BAHD1: variants seen among roughly 807,000 people sequenced by gnomAD.
BAHD1 encodes the protein bromo adjacent homology domain containing 1.
A neutral mutation model predicts 63.1 loss-of-function variants in BAHD1; 20 were observed. The observed-to-expected ratio is 0.32, with a 90% CI of 0.22 to 0.46. The LOEUF is 0.46. BAHD1 is among the 20% of genes least tolerant of loss of function. The pLI is 1.00. For synonymous variants in BAHD1, 408 were observed against 426.8 expected (o/e 0.96, Z 0.54); for missense variants, 939 against 1,071.8 (o/e 0.88, Z 1.73).
At chr15:40,447,830 G>C (rs1893587227) in intron 1 of BAHD1, among the ~76,000 whole-genome samples, 1 of 152,136 alleles carries the variant, frequency 6.6e-6, no homozygotes. Context: ...GTAGATGCAT[G>C]GTTGGGGGTT....
chr15:40,464,386 C>T, intron 4 of BAHD1, 85 bp from the exon 5 acceptor site: 1 of 1,242,540 alleles, frequency 8.0e-7, no homozygotes, highest in Non-Finnish European at 1.2e-6. Flanking sequence ...TTGGATGAAC[C>T]TCCAGGGCAG....
intron 1 of BAHD1, among the ~76,000 whole-genome samples, chr15:40,449,005 G>A (rs1163681139): frequency 6.6e-6 from 1 of 151,776 alleles, no homozygotes; most frequent in Non-Finnish European, 1.5e-5. Flanking sequence ...GCTAATTTTT[G>A]TATTTTCTCC....
intron 3 of BAHD1, among the ~76,000 whole-genome samples, chr15:40,462,992 A>C (rs922076720): frequency 6.6e-6 from 1 of 152,116 alleles, no homozygotes; most frequent in East Asian, 1.9e-4. Flanking sequence ...AATTAAAAAC[A>C]AAAAGAATAT....
rs1171009075 is a variant in BAHD1 at position 40,459,452 on chromosome 15, C to T, written c.988C>T (p.Arg330Cys). The T allele has an allele frequency of 1.2e-5, 20 of 1,613,442 alleles. No homozygotes were observed. Among genetic ancestry groups the T allele is most frequent in the Non-Finnish European group, 1.6e-5 (19 of 1,179,994 alleles). The change falls in exon 2 of 7, where the codon CGC (arginine) becomes TGC (cysteine). Residue 330 changes from arginine to cysteine, a missense_variant. Physicochemically the swap from Arg to Cys is radical, Grantham distance 180. Around this residue, in one of 5 missense-constraint regions of BAHD1, gnomAD observed 797 missense variants for 813.3 expected, o/e 0.98. Coordinates refer to ENST00000416165, the MANE Select transcript of BAHD1 (RefSeq NM_014952.5). ...GQAALKPEPG[R>C]PGEESPAPKQ... ...GGCGGCTCTGAAGCCGGAGCCTGGG[C>T]GCCCAGGCGAGGAGTCACCTGCCCC...
Position 40,458,654 on chromosome 15 carries a change from C to G in BAHD1, c.190C>G (p.Pro64Ala), listed in dbSNP as rs774137662. 1.2e-6 allele frequency: 2 copies of G among 1,613,674 alleles called. No homozygotes were observed. Among genetic ancestry groups the G allele is most frequent in the Non-Finnish European group, 1.7e-6 (2 of 1,179,874 alleles). Residue 64 changes from proline to alanine, a missense_variant, in exon 2 of 7, where the codon CCT becomes GCT. Physicochemically the swap from Pro to Ala is conservative, Grantham distance 27. Transcript: ENST00000416165. This position sits in a 1 kb window ranked among gnomAD's most constrained non-coding sequence, Gnocchi z 4.7. ...NYPLRKRPLV[P>A]EKPKACKVLL... is the part of the protein sequence containing the mutation. ...CCCACTTCGTAAGCGCCCATTGGTT[C>G]CTGAGAAGCCCAAGGCCTGCAAAGT...
chr15:40,450,955 T>C (rs971213742), intron 1 of BAHD1, among the ~76,000 whole-genome samples: 1 of 151,956 alleles, frequency 6.6e-6, no homozygotes, highest in Non-Finnish European at 1.5e-5. Context: ...CTGGCCAACA[T>C]GGTGAAAACC....
At chr15:40,465,226 T>C in intron 5 of BAHD1, 109 bp from the exon 6 acceptor site, 1 of 915,188 alleles carries the variant, frequency 1.1e-6, no homozygotes, top group Non-Finnish European at 1.7e-6. Context: ...GGAAGCTTGC[T>C]GGAGTCATCT....
chr15:40,439,284 A>C (rs980574956), upstream of BAHD1, among the ~76,000 whole-genome samples: 18 of 152,160 alleles, frequency 1.2e-4, no homozygotes, highest in African/African-American at 4.3e-4. Context: ...CCCCTCCTTT[A>C]AGTGTGTCCC....
At chr15:40,448,341 G>C (rs1428119572) in intron 1 of BAHD1, among the ~76,000 whole-genome samples, 2 of 152,064 alleles carry the variant, frequency 1.3e-5, no homozygotes, top group Non-Finnish European at 2.9e-5. Flanking sequence ...CAGTTCCTCT[G>C]TGGTGGGAAA....
chr15:40,462,173 G>C lies in BAHD1; in HGVS notation c.1694G>C (p.Arg565Pro). ...CACACTGCAAGGAGCAAGGCTGCCCGCAGGCCTAGCCACCCCAAGCAGCCA... is the reference window on the plus strand; with the variant it reads ...CACACTGCAAGGAGCAAGGCTGCCCCCAGGCCTAGCCACCCCAAGCAGCCA... ...CRHTARSKAA[R>P]RPSHPKQPRV... The change falls in exon 3 of 7, where the codon CGC becomes CCC. Residue 565 changes from arginine (R) to proline (P), a missense_variant. Coordinates refer to ENST00000416165, the MANE Select transcript of BAHD1 (RefSeq NM_014952.5). 6.2e-7 allele frequency: 1 copy of C among 1,612,178 alleles called. No homozygotes were observed. Among genetic ancestry groups the C allele is most frequent in the Non-Finnish European group, 8.5e-7 (1 of 1,179,944 alleles).
rs774628328 is a variant in BAHD1 at position 40,459,798 on chromosome 15, G to A, written c.1334G>A (p.Gly445Glu). 6 of 1,613,564 alleles carry A rather than the reference G, an allele frequency of 3.7e-6. No individual in the cohort carries two copies. The highest frequency in any genetic ancestry group is 5.1e-6 in the Non-Finnish European group (6 of 1,179,992). ...CGCTACTGCTCTAGCGAGGACACTG[G>A]AGTGAATGGCTACAGCATCTGCGGA... Reference protein sequence around the residue: ...SSRYCSSEDTGVNGYSICGVL... With the variant: ...SSRYCSSEDTEVNGYSICGVL... The change falls in exon 2 of 7, where the codon GGA (glycine) becomes GAA (glutamate). Residue 445 changes from glycine (G) to glutamate (E), a missense_variant. Around this residue, in one of 5 missense-constraint regions of BAHD1, gnomAD observed 797 missense variants for 813.3 expected, o/e 0.98. Transcript: ENST00000416165.
Position 40,442,807 on chromosome 15 carries a change from C to T in BAHD1, c.-15+1539C>T, listed in dbSNP as rs181738044. On this transcript the variant is annotated intron_variant, in intron 1 of 6. Transcript: ENST00000416165. ...TTCCAGTCCTTTTACTTTGTGCCACCTGAGACTTTCCTCCCTACTCTCTTC... is the reference window on the plus strand; with the variant it reads ...TTCCAGTCCTTTTACTTTGTGCCACTTGAGACTTTCCTCCCTACTCTCTTC... Among the ~76,000 whole-genome samples the T allele has an allele frequency of 2.6e-5, 4 of 152,272 alleles. No individual in the cohort carries two copies. In the East Asian group the frequency reaches 7.7e-4, roughly 29 times the overall value.
At chr15:40,448,923 G>T (rs1595849973) in intron 1 of BAHD1, among the ~76,000 whole-genome samples, 1 of 147,558 alleles carries the variant, frequency 6.8e-6, no homozygotes, top group Non-Finnish European at 1.5e-5. Context: ...CGCAACCTCT[G>T]CCTTCCAGGT....
chr15:40,445,433 C>A (rs2141472129), intron 1 of BAHD1, among the ~76,000 whole-genome samples: 1 of 152,306 alleles, frequency 6.6e-6, no homozygotes, highest in East Asian at 1.9e-4. Flanking sequence ...TTTCATTCCT[C>A]CTCACCTCTC....
chr15:40,465,058 C>T (rs1230128190), intron 5 of BAHD1: 2 of 482,720 alleles, frequency 4.1e-6, no homozygotes, highest in Non-Finnish European at 7.5e-6. Flanking sequence ...AGAACATTTC[C>T]CCTCTCCTAC....
chr15:40,450,958 T>TAGCA (rs1893681901), intron 1 of BAHD1, among the ~76,000 whole-genome samples: 2 of 151,732 alleles, frequency 1.3e-5, no homozygotes, highest in South Asian at 4.2e-4. Flanking sequence ...GCCAACATGG[T>TAGCA]GAAAACCCGT....
chr15:40,459,353 C>G lies in BAHD1; in HGVS notation c.889C>G (p.His297Asp). 1 of 1,613,106 alleles carries G rather than the reference C, an allele frequency of 6.2e-7. No homozygotes were observed. Among genetic ancestry groups the G allele is most frequent in the Non-Finnish European group, 8.5e-7 (1 of 1,179,922 alleles). The change falls in exon 2 of 7, where the codon CAT (histidine) becomes GAT (aspartate). Residue 297 changes from histidine (H) to aspartate (D), a missense_variant. Physicochemically the swap from His to Asp is moderately conservative, Grantham distance 81. Coordinates refer to ENST00000416165, the MANE Select transcript of BAHD1 (RefSeq NM_014952.5). The stretch of plus-strand genomic sequence containing the variant: ...TTGTGGGCCATCCGTCCAGCCATCT[C>G]ATCAGCCCCTGAGCAAGGCTCTGGA... The part of the protein sequence containing the change: ...TPCGPSVQPS[H>D]QPLSKALESP...
At chr15:40,464,941 C>T (rs1894157711) in intron 5 of BAHD1, 3 of 377,120 alleles carry the variant, frequency 8.0e-6, no homozygotes, top group South Asian at 6.0e-5. Context: ...CATAGGCTCT[C>T]CACCAAGCTG....
chr15:40,453,570 C>G (rs998129027), intron 1 of BAHD1: 1 of 152,190 alleles, frequency 6.6e-6, no homozygotes, highest in Non-Finnish European at 1.5e-5. Flanking sequence ...GAGGTGGCTT[C>G]TAATGGGGCA....
Sources: allele counts gnomAD v4.1 joint callset (sites outside exome capture counted in the v4.1 genomes callset), GRCh38; gene constraint gnomAD v4.1.1; regional missense constraint gnomAD v4.1.1; non-coding constraint Gnocchi (gnomAD v3.1); transcripts MANE v1.5; gene names NCBI Gene and HGNC (gene_info 2026-07-23, HGNC 2026-07-21).